Variants in SRPRB observed in about 807,000 individuals in gnomAD.
SRPRB encodes the protein signal recognition particle receptor subunit beta.
A neutral mutation model predicts 31.9 loss-of-function variants in SRPRB; 20 were observed. The observed-to-expected ratio is 0.63, with a 90% CI of 0.44 to 0.91. SRPRB has a LOEUF of 0.91. Among genes scored for constraint, SRPRB ranks in the 40% least tolerant of loss-of-function variants. SRPRB has a pLI of 0.00. For synonymous variants in SRPRB, 146 were observed against 132.8 expected (o/e 1.10, Z -0.68); for missense variants, 321 against 324.9 (o/e 0.99, Z 0.09).
At chr3:133,806,819 G>T (rs1935170422) in intron 2 of SRPRB, 116 bp downstream of exon 2, 2 of 778,460 alleles carry the variant, frequency 2.6e-6, no homozygotes, top group Non-Finnish European at 4.2e-6. Context: ...AAATTTGGAA[G>T]TTAATTCTTG....
chr3:133,819,799 T>C lies in SRPRB; in HGVS notation c.*33T>C. Reference sequence around the variant, plus strand: ...CTCTAAAGCACAAGACCTGGATGTGTGACACACAGTTTTGGAAAAAGGTCT... The same window carrying C: ...CTCTAAAGCACAAGACCTGGATGTGCGACACACAGTTTTGGAAAAAGGTCT... On this transcript the variant is annotated 3_prime_UTR_variant, in exon 7 of 7. Transcript: ENST00000678299. The C allele has an allele frequency of 6.3e-7, 1 of 1,597,020 alleles. No homozygotes were observed. Among genetic ancestry groups the C allele is most frequent in the Non-Finnish European group, 8.6e-7 (1 of 1,168,798 alleles).
rs763814760 is a variant in SRPRB, at chr3:133,819,606, G to A, written c.656G>A (p.Ser219Asn). ...GCCCCCAGCACACTGGACAGTTCCA[G>A]CACTGCCCCTGCTCAGCTGGGGAAG... The part of the protein sequence containing the change: ...SAAPSTLDSS[S>N]TAPAQLGKKG... The change falls in exon 7 of 7, where the codon AGC (serine) becomes AAC (asparagine). Residue 219 changes from serine (S) to asparagine (N), a missense_variant. By Grantham distance (46) the Ser-to-Asn change is conservative. Coordinates refer to ENST00000678299, the MANE Select transcript of SRPRB (RefSeq NM_001379313.1). 6.3e-5 allele frequency: 101 copies of A among 1,614,076 alleles called. No homozygotes were observed. Among genetic ancestry groups the A allele is most frequent in the Non-Finnish European group, 7.7e-5 (91 of 1,180,038 alleles).
chr3:133,823,264 T>C (rs915943218), downstream of SRPRB, among the ~76,000 whole-genome samples: 2 of 152,182 alleles, frequency 1.3e-5, no homozygotes, highest in African/African-American at 4.8e-5. Flanking sequence ...TTCAAGGGTT[T>C]TTTTGTTTTG....
chr3:133,813,185 A>G (rs981123306), intron 4 of SRPRB, among the ~76,000 whole-genome samples: 4 of 152,118 alleles, frequency 2.6e-5, no homozygotes, highest in Non-Finnish European at 5.9e-5. Context: ...CTATCCAGGG[A>G]TAGATTTTCT....
rs113009116 is a variant in SRPRB, at chr3:133,806,847, A to G, written c.249+144A>G. On this transcript the variant is annotated intron_variant, in intron 2 of 6. Coordinates refer to ENST00000678299, the MANE Select transcript of SRPRB (RefSeq NM_001379313.1). ...AATTCTTGACTTACTTGGGAGAACA[A>G]AAAGACTCGTAGAAACCCATAATTG... The G allele has an allele frequency of 4.2e-3, 2,616 of 626,552 alleles. 52 individuals carry two copies. The highest frequency in any genetic ancestry group is 0.041 in the African/African-American group (2,265 of 54,662). The allele number at this position is 626,552 out of a possible 1,614,324, so 38.8% of individuals were successfully genotyped here.
At chr3:133,792,237 CG>C (rs1465463313) in intron 1 of SRPRB, 1 of 152,060 alleles carries the variant, frequency 6.6e-6, no homozygotes, top group Non-Finnish European at 1.5e-5. Flanking sequence ...GATCTTATAT[CG>C]TAAATTCGTG....
At chr3:133,791,783 T>C (rs1348074990) in intron 1 of SRPRB, 1 of 152,212 alleles carries the variant, frequency 6.6e-6, no homozygotes, top group East Asian at 1.9e-4. Flanking sequence ...GGTTTAGGGT[T>C]CAATTCCTGG....
chr3:133,787,837 G>C (rs1279275730), intron 1 of SRPRB: 1 of 152,140 alleles, frequency 6.6e-6, no homozygotes, highest in African/African-American at 2.4e-5. Flanking sequence ...TACTAAAGAG[G>C]TTGCCAATGT....
At chr3:133,816,238 C>T (rs1534164) in intron 5 of SRPRB, among the ~76,000 whole-genome samples, 92,888 of 152,094 alleles carry the variant, frequency 0.61, 29,404 homozygotes, top group African/African-American at 0.77. Context: ...CAGGTCTCTT[C>T]CAGATCTGAA....
chr3:133,811,058 G>T, intron 3 of SRPRB, 59 bp from the exon 4 acceptor site: 1 of 1,544,092 alleles, frequency 6.5e-7, no homozygotes, highest in Non-Finnish European at 8.9e-7. Context: ...GATACTAAAG[G>T]TTTATATTGT....
downstream of SRPRB, chr3:133,825,530 C>T (rs1012744619): frequency 2.6e-5 from 4 of 152,254 alleles, no homozygotes; most frequent in African/African-American, 9.6e-5. Context: ...AGCTACCAAG[C>T]CAACTAGCCT....
Position 133,805,831 on chromosome 3 carries a change from G to A in SRPRB, c.-18G>A. The A allele has an allele frequency of 1.9e-6, 3 of 1,599,348 alleles. No individual in the cohort carries two copies. Among genetic ancestry groups the A allele is most frequent in the Non-Finnish European group, 2.6e-6 (3 of 1,173,174 alleles). On this transcript the variant is annotated 5_prime_UTR_variant, in exon 1 of 7. Coordinates refer to ENST00000678299, the MANE Select transcript of SRPRB (RefSeq NM_001379313.1). The stretch of plus-strand genomic sequence containing the variant: ...GGCCACGTCGCTTTTGCTGTACCGG[G>A]GACCACGCGTCTCATCCATGGCTTC...
intron 1 of SRPRB, chr3:133,795,588 T>C (rs1934946424): frequency 6.7e-6 from 1 of 148,376 alleles, no homozygotes; most frequent in African/African-American, 2.5e-5. Flanking sequence ...TTTTTTTTTT[T>C]TTTTTGAGAT....
At chr3:133,819,316 A>G (rs1025467203) in intron 6 of SRPRB, among the ~76,000 whole-genome samples, 2 of 152,122 alleles carry the variant, frequency 1.3e-5, no homozygotes, top group Non-Finnish European at 1.5e-5. Context: ...GACCTGGTCT[A>G]CTGCTGACCT....
downstream of SRPRB, among the ~76,000 whole-genome samples, chr3:133,823,040 G>A (rs548216367): frequency 5.3e-5 from 8 of 152,310 alleles, no homozygotes; most frequent in East Asian, 5.8e-4. Context: ...GTTAAGAAAC[G>A]TGCCCTTTCA....
At chr3:133,798,816 C>A (rs1342076919) in intron 1 of SRPRB, among the ~76,000 whole-genome samples, 10 of 152,064 alleles carry the variant, frequency 6.6e-5, no homozygotes, top group Non-Finnish European at 1.3e-4. Flanking sequence ...GATGACTTTG[C>A]TCTTTGCTTC....
upstream of SRPRB, among the ~76,000 whole-genome samples, chr3:133,804,107 A>G (rs1445544185): frequency 6.6e-6 from 1 of 150,608 alleles, no homozygotes; most frequent in East Asian, 2.0e-4. Context: ...AAAAAAAAAA[A>G]AAAAAAAAAG....
chr3:133,814,366 C>G (rs1042616109), intron 4 of SRPRB, among the ~76,000 whole-genome samples: 31 of 152,042 alleles, frequency 2.0e-4, no homozygotes, highest in Admixed American at 2.6e-4. Flanking sequence ...CTCCTGACCT[C>G]GTGATCCGCC....
chr3:133,819,003 C>T (rs1025561109), intron 6 of SRPRB, among the ~76,000 whole-genome samples: 1 of 151,928 alleles, frequency 6.6e-6, no homozygotes, highest in Non-Finnish European at 1.5e-5. Context: ...GCTTATGCAC[C>T]CTTTATTAGG....
Sources: allele counts gnomAD v4.1 joint callset (sites outside exome capture counted in the v4.1 genomes callset), GRCh38; gene constraint gnomAD v4.1.1; transcripts MANE v1.5; gene names NCBI Gene and HGNC (gene_info 2026-07-23, HGNC 2026-07-21).